UMODL1: variants seen among roughly 807,000 people sequenced by gnomAD.
UMODL1 encodes uromodulin-like 1.
Under a neutral mutation model 136.3 loss-of-function variants are expected in UMODL1, and 128 were observed. The observed-to-expected ratio is 0.94, with a 90% confidence interval of 0.81 to 1.09. The LOEUF (loss-of-function observed/expected upper bound fraction) is 1.09, where lower values mean the gene tolerates loss of function less well. Ranked by LOEUF, UMODL1 falls within the 50% of genes least tolerant of loss-of-function variation. The pLI, the probability that UMODL1 is intolerant of heterozygous loss-of-function variation, is 0.00. For synonymous variants in UMODL1, 721 were observed against 720.0 expected (o/e 1.00, Z -0.02); for missense variants, 1,766 against 1,725.6 (o/e 1.02, Z -0.41).
chr21:42,141,330 T>C (rs2012094), intron 22 of UMODL1, among the ~76,000 whole-genome samples: 26,990 of 152,154 alleles, frequency 0.18, 2,509 homozygotes, highest in South Asian at 0.31. Context: ...TTCCCGTCTC[T>C]CCTGCCAGGA....
chr21:42,109,399 C>A (rs571799583), intron 9 of UMODL1, among the ~76,000 whole-genome samples, 163 bp from the exon 10 acceptor site: 1 of 151,528 alleles, frequency 6.6e-6, no homozygotes, highest in African/African-American at 2.4e-5. Context: ...ACAGGCAGGC[C>A]GTAAGGTTGT....
chr21:42,068,808 G>A (rs111780413), upstream of UMODL1, among the ~76,000 whole-genome samples: 8,998 of 152,246 alleles, frequency 0.059, 339 homozygotes, highest in African/African-American at 0.1. The surrounding 1 kb of genome is among the most constrained non-coding windows in gnomAD (Gnocchi z 5.5). Flanking sequence ...GTATGTGTCG[G>A]TGCACATGTG....
chr21:42,106,660 G>A (rs976334988), intron 9 of UMODL1, among the ~76,000 whole-genome samples: 1 of 152,206 alleles, frequency 6.6e-6, no homozygotes, highest in Non-Finnish European at 1.5e-5. Context: ...GGGAGGCCTG[G>A]AGGCTGAGCC....
At chr21:42,124,229 G>A (rs982495173) in intron 17 of UMODL1, among the ~76,000 whole-genome samples, 4 of 152,234 alleles carry the variant, frequency 2.6e-5, no homozygotes, top group African/African-American at 9.6e-5. Flanking sequence ...AAGAGGAGGG[G>A]AGAGCCAGCA....
chr21:42,107,867 C>A lies in UMODL1; in HGVS notation c.1520-1695C>A, dbSNP rs73223539. The stretch of plus-strand genomic sequence containing the variant: ...GCTGGGAGTCTCTGAAGCAGCTGCC[C>A]CCATTGCTCCAGGAGAGGGCTCAGC... On this transcript the variant is annotated intron_variant, in intron 9 of 22. Coordinates refer to ENST00000408910, the MANE Select transcript of UMODL1 (RefSeq NM_001004416.3). Among the ~76,000 whole-genome samples, 851 of 152,292 alleles carry A rather than the reference C, an allele frequency of 5.6e-3. 2 individuals are homozygous for A. Among genetic ancestry groups the A allele is most frequent in the Non-Finnish European group, 9.6e-3 (656 of 68,018 alleles).
At chr21:42,115,066 G>A (rs1274931868) in intron 13 of UMODL1, among the ~76,000 whole-genome samples, 1 of 152,220 alleles carries the variant, frequency 6.6e-6, no homozygotes, top group Non-Finnish European at 1.5e-5. Flanking sequence ...TCTGTGGTTT[G>A]TCTTAAACTT....
In UMODL1 at chr21:42,115,037, G is replaced by A. The variant is rs186344353; in HGVS notation, c.2363-836G>A. ...GACGTAGAGTTTGGGGTTCGCCCAG[G>A]AATGCATAGCAGAATGGCTCTGTGG... On this transcript the variant is annotated intron_variant, in intron 13 of 22. Coordinates refer to ENST00000408910, the MANE Select transcript of UMODL1 (RefSeq NM_001004416.3). 1.8e-4 allele frequency among the ~76,000 whole-genome samples: 27 copies of A among 152,366 alleles called. No individual in the cohort carries two copies. In the East Asian group the frequency reaches 4.6e-3, roughly 26 times the overall value.
intron 11 of UMODL1, 76 bp from the exon 12 acceptor site, chr21:42,111,430 C>G: frequency 6.2e-7 from 1 of 1,613,762 alleles, no homozygotes; most frequent in Middle Eastern, 1.6e-4. Context: ...GCACCACCTC[C>G]TCCCCGAAGG....
intron 14 of UMODL1, among the ~76,000 whole-genome samples, chr21:42,118,152 A>G (rs2066923221): frequency 6.6e-6 from 1 of 152,262 alleles, no homozygotes; most frequent in Admixed American, 6.5e-5. Context: ...AAATGCAGCT[A>G]AAAGTCACAT....
chr21:42,129,836 T>C, intron 21 of UMODL1, 39 bp downstream of exon 21: 1 of 1,428,550 alleles, frequency 7.0e-7, no homozygotes, highest in Non-Finnish European at 9.5e-7. Flanking sequence ...AAAGAAAAGA[T>C]GCAACCGATT....
At position 42,123,225 on chromosome 21, in the gene UMODL1, G is replaced by A. The variant is rs987462032; in HGVS notation, c.3147+75G>A. 2 of 1,490,106 alleles carry A rather than the reference G, an allele frequency of 1.3e-6. No individual in the cohort carries two copies. 92.3% of individuals were successfully genotyped at this position (1,490,106 alleles called of 1,614,324 possible). Reference sequence around the variant, plus strand: ...TCTAGGTTACATGGGCCTCGATGTGGGAGGGCCAGGCAAGACTCTGCACCC... The same window carrying A: ...TCTAGGTTACATGGGCCTCGATGTGAGAGGGCCAGGCAAGACTCTGCACCC... On this transcript the variant is annotated intron_variant, in intron 17 of 22. Transcript: ENST00000408910. The surrounding 1 kb of genome is among the most constrained non-coding windows in gnomAD (Gnocchi z 4.4).
chr21:42,075,008 T>TCTC (rs1224029371), intron 1 of UMODL1, among the ~76,000 whole-genome samples: 15 of 151,956 alleles, frequency 9.9e-5, no homozygotes, highest in African/African-American at 1.9e-4. Flanking sequence ...TTCACGCCAT[T>TCTC]CTGCCTCAGC....
chr21:42,115,677 C>T (rs555031886), intron 13 of UMODL1, among the ~76,000 whole-genome samples, 196 bp from the exon 14 acceptor site: 2 of 152,312 alleles, frequency 1.3e-5, no homozygotes, highest in South Asian at 4.1e-4. Flanking sequence ...CCACTGTGTT[C>T]AGGCTGTGTT....
chr21:42,085,205 C>T lies in UMODL1; in HGVS notation c.482-86C>T, dbSNP rs1181498270. ...AGGGCCTCTCATGGCCTCTGGTTCC[C>T]TCTCCTGCCCCCTCTCCCACCCCAG... On this transcript the variant is annotated intron_variant, in intron 3 of 22. Coordinates refer to ENST00000408910, the MANE Select transcript of UMODL1 (RefSeq NM_001004416.3). This position sits in a 1 kb window ranked among gnomAD's most constrained non-coding sequence, Gnocchi z 4.5. The T allele has an allele frequency of 5.9e-6, 9 of 1,531,210 alleles. No individual in the cohort carries two copies. The highest frequency in any genetic ancestry group is 7.9e-6 in the Non-Finnish European group (9 of 1,132,936). The allele number at this position is 1,531,210 out of a possible 1,614,324, so 94.9% of individuals were successfully genotyped here.
intron 1 of UMODL1, among the ~76,000 whole-genome samples, chr21:42,071,961 T>C (rs1297861003): frequency 6.6e-6 from 1 of 150,456 alleles, no homozygotes; most frequent in Non-Finnish European, 1.5e-5. Flanking sequence ...GATGGGAGGA[T>C]CACTTGAGCT....
In UMODL1 at chr21:42,088,329, C is replaced by T; in HGVS notation, c.639C>T (p.Val213=). The stretch of plus-strand genomic sequence containing the variant: ...CCCTGCAACCAATGGCCTCCACCGT[C>T]CACCACCTGCACTCAGCCCCTGGGA... The part of the protein sequence containing the change: ...TSALQPMAST[V]HHLHSAPGNA... The change falls in exon 5 of 23, where the codon GTC becomes GTT. Residue 213 remains valine (V), a synonymous_variant. Transcript: ENST00000408910. The T allele has an allele frequency of 6.2e-7, 1 of 1,613,828 alleles. No individual in the cohort carries two copies. Among genetic ancestry groups the T allele is most frequent in the Non-Finnish European group, 8.5e-7 (1 of 1,179,926 alleles).
chr21:42,116,466 A>T (rs1472498698), intron 14 of UMODL1, among the ~76,000 whole-genome samples: 1 of 152,118 alleles, frequency 6.6e-6, no homozygotes, highest in Non-Finnish European at 1.5e-5. Context: ...TGACTCCCTG[A>T]GTGTCCCTGG....
chr21:42,077,002 G>GTGT (rs2066299801), intron 2 of UMODL1, among the ~76,000 whole-genome samples: 41 of 113,262 alleles, frequency 3.6e-4, no homozygotes, highest in African/African-American at 1.2e-3. Context: ...CCAGGGGAGG[G>GTGT]GTGTGTGTGT....
chr21:42,113,920 T>A, intron 13 of UMODL1, 90 bp downstream of exon 13: 1 of 1,497,814 alleles, frequency 6.7e-7, no homozygotes. Flanking sequence ...CTGGATTTGT[T>A]TATGGGCTGC....
Sources: allele counts gnomAD v4.1 joint callset (sites outside exome capture counted in the v4.1 genomes callset), GRCh38; gene constraint gnomAD v4.1.1; non-coding constraint Gnocchi (gnomAD v3.1); transcripts MANE v1.5; gene names NCBI Gene and HGNC (gene_info 2026-07-23, HGNC 2026-07-21).